Variants in CUL3 observed in about 807,000 individuals in gnomAD.
CUL3 encodes the protein cullin 3, also known as cullin-3.
CUL3 carries 19 observed loss-of-function variants against 89.1 expected under a neutral mutation model. That is an observed-to-expected ratio of 0.21 (90% CI 0.15 to 0.31). CUL3 has a LOEUF of 0.31. CUL3 is among the 10% of genes least tolerant of loss of function. The probability of loss-of-function intolerance (pLI) is 1.00; values close to 1 mark genes in which losing one functional copy is unlikely to be tolerated. For synonymous variants in CUL3, 351 were observed against 308.4 expected, an observed-to-expected ratio of 1.14 and a Z score of -1.45; for missense variants, 469 against 942.3, an observed-to-expected ratio of 0.50 and a Z score of 6.58.
intron 13 of CUL3, chr2:224,495,198 A>G (rs369072238): frequency 6.6e-6 from 1 of 152,160 alleles, no homozygotes; most frequent in Admixed American, 6.5e-5. Flanking sequence ...CTCAAAATCT[A>G]AAGACTGCAG....
chr2:224,510,625 T>G (rs186801195), intron 6 of CUL3, among the ~76,000 whole-genome samples: 1 of 152,280 alleles, frequency 6.6e-6, no homozygotes, highest in East Asian at 1.9e-4. Context: ...TAATACCATA[T>G]AAGTGGTAAA....
chr2:224,478,256 TAGC>T lies in CUL3; in HGVS notation c.2116_2118del (p.Ala706del). On this transcript the variant is annotated inframe_deletion, in exon 15 of 16. Coordinates refer to ENST00000264414, the MANE Select transcript of CUL3 (RefSeq NM_003590.5). ...TTTCTAGATTTCATTATCCGCACTATAGCAGCTTCTATCTCATGTTTTCTGTCG... is the reference window on the plus strand; with the variant it reads ...TTTCTAGATTTCATTATCCGCACTATAGCTTCTATCTCATGTTTTCTGTCG... 6.2e-7 allele frequency: 1 copy of T among 1,613,788 alleles called. No individual in the cohort carries two copies. Among genetic ancestry groups the T allele is most frequent in the Non-Finnish European group, 8.5e-7 (1 of 1,179,802 alleles).
intron 2 of CUL3, among the ~76,000 whole-genome samples, chr2:224,543,412 G>A (rs567720202): frequency 6.6e-6 from 1 of 152,264 alleles, no homozygotes; most frequent in East Asian, 1.9e-4. Context: ...AAGTATCACA[G>A]AGGTACAATA....
At chr2:224,531,749 A>T (rs1306203611) in intron 3 of CUL3, among the ~76,000 whole-genome samples, 1 of 152,210 alleles carries the variant, frequency 6.6e-6, no homozygotes. Flanking sequence ...TTAAAGAAAA[A>T]AAAAATTCTA....
intron 4 of CUL3, among the ~76,000 whole-genome samples, chr2:224,514,328 G>A (rs1692952900): frequency 1.3e-5 from 2 of 151,800 alleles, no homozygotes; most frequent in South Asian, 4.2e-4. Context: ...CAGAAAAAAA[G>A]AAAAAAATGC....
At chr2:224,567,583 C>G (rs1695073968) in intron 1 of CUL3, among the ~76,000 whole-genome samples, 1 of 151,714 alleles carries the variant, frequency 6.6e-6, no homozygotes, top group African/African-American at 2.4e-5. Context: ...ACTAAAAATA[C>G]AAAAAAATTA....
Position 224,505,890 on chromosome 2 carries a change from A to T in CUL3, c.1206+66T>A, listed in dbSNP as rs1395368830. On this transcript the variant is annotated intron_variant, in intron 8 of 15. Coordinates refer to ENST00000264414, the MANE Select transcript of CUL3 (RefSeq NM_003590.5). The stretch of plus-strand genomic sequence containing the variant: ...TAATTTTTATCTGTGAAATGTCCTA[A>T]TTTTACATATAATTTTATATCTTTA... The T allele has an allele frequency of 8.2e-6, 9 of 1,098,874 alleles. No homozygotes were observed. The East Asian group carries it at 1.1e-4, about 14-fold the overall frequency. 68.1% of individuals were successfully genotyped at this position (1,098,874 alleles called of 1,614,324 possible). A position where few individuals can be genotyped will look rare whatever the true frequency, so the allele number is the denominator to read the frequency against.
intron 10 of CUL3, among the ~76,000 whole-genome samples, chr2:224,501,141 A>G (rs1484365986): frequency 6.6e-6 from 1 of 152,210 alleles, no homozygotes; most frequent in African/African-American, 2.4e-5. Flanking sequence ...ATCATTTTAG[A>G]GAAAATTCTA....
chr2:224,529,067 T>C (rs932940521), intron 3 of CUL3, among the ~76,000 whole-genome samples: 1 of 152,200 alleles, frequency 6.6e-6, no homozygotes, highest in African/African-American at 2.4e-5. Flanking sequence ...GAGTAGTCTA[T>C]GGAATACTAT....
rs1691154558 is a variant in CUL3, at chr2:224,472,175, A to C, written c.*2070T>G. ...AATGTATTTAGAAGCATAAATATCA[A>C]ACCTGTGCTCCAAAGTTAACAAGTA... On this transcript the variant is annotated 3_prime_UTR_variant, in exon 16 of 16. Transcript: ENST00000264414. 4.4e-6 allele frequency: 1 copy of C among 226,164 alleles called. No individual in the cohort carries two copies. Among genetic ancestry groups the C allele is most frequent in the Non-Finnish European group, 8.8e-6 (1 of 113,804 alleles). 14.0% of individuals were successfully genotyped at this position (226,164 alleles called of 1,614,324 possible).
At chr2:224,560,137 C>T (rs1162897895) in intron 1 of CUL3, among the ~76,000 whole-genome samples, 1 of 152,148 alleles carries the variant, frequency 6.6e-6, no homozygotes, top group Non-Finnish European at 1.5e-5. Context: ...CCAAGCACTA[C>T]AATCTCTTGT....
intron 2 of CUL3, among the ~76,000 whole-genome samples, chr2:224,541,600 C>T (rs1253881163): frequency 6.6e-6 from 1 of 152,162 alleles, no homozygotes; most frequent in Non-Finnish European, 1.5e-5. Context: ...TACATTCACA[C>T]AAAAATCACA....
chr2:224,557,874 G>GAAAAAA lies in CUL3; in HGVS notation c.67-19_67-18insTTTTTT. ...ATGGTCATCTGTAATATCCAAGAGA[G>GAAAAAA]AGAAGAGACAAAAAAAAAAAAAAAA... On this transcript the variant is annotated intron_variant, in intron 1 of 15. Coordinates refer to ENST00000264414, the MANE Select transcript of CUL3 (RefSeq NM_003590.5). The GAAAAAA allele has an allele frequency of 5.2e-6, 1 of 191,702 alleles. No homozygotes were observed. The highest frequency in any genetic ancestry group is 9.1e-6 in the Non-Finnish European group (1 of 109,870). The allele number at this position is 191,702 out of a possible 1,614,324, so 11.9% of individuals were successfully genotyped here.
chr2:224,538,442 T>A (rs1052788825), intron 2 of CUL3, among the ~76,000 whole-genome samples: 1 of 152,126 alleles, frequency 6.6e-6, no homozygotes, highest in Non-Finnish European at 1.5e-5. Context: ...ATTATTAACA[T>A]CTTATAAAAA....
chr2:224,516,033 A>T (rs566475502), intron 3 of CUL3, among the ~76,000 whole-genome samples: 29 of 152,202 alleles, frequency 1.9e-4, no homozygotes, highest in African/African-American at 5.8e-4. Context: ...TTCTTGCTTC[A>T]TATGACATCA....
At chr2:224,512,242 C>T (rs1470111723) in intron 5 of CUL3, among the ~76,000 whole-genome samples, 1 of 151,972 alleles carries the variant, frequency 6.6e-6, no homozygotes, top group African/African-American at 2.4e-5. Context: ...ACTACAGGCG[C>T]CCGCCACCAC....
intron 11 of CUL3, among the ~76,000 whole-genome samples, chr2:224,498,691 C>T (rs375429827): frequency 6.6e-6 from 1 of 152,124 alleles, no homozygotes; most frequent in South Asian, 2.1e-4. Context: ...TTCACTATTA[C>T]AATAAGGATC....
At chr2:224,521,851 GCTAA>G (rs1325642392) in intron 3 of CUL3, among the ~76,000 whole-genome samples, 4 of 151,658 alleles carry the variant, frequency 2.6e-5, no homozygotes, top group East Asian at 3.9e-4. Context: ...GGTCTTTTAA[GCTAA>G]CTGTCAAGCT....
At chr2:224,561,872 A>T (rs1370844016) in intron 1 of CUL3, among the ~76,000 whole-genome samples, 1 of 151,950 alleles carries the variant, frequency 6.6e-6, no homozygotes, top group African/African-American at 2.4e-5. Flanking sequence ...AAAGCAAACT[A>T]AGACACTATC....
Sources: allele counts gnomAD v4.1 joint callset (sites outside exome capture counted in the v4.1 genomes callset), GRCh38; gene constraint gnomAD v4.1.1; transcripts MANE v1.5; gene names NCBI Gene and HGNC (gene_info 2026-07-23, HGNC 2026-07-21).